JARID2: variants seen among roughly 807,000 people sequenced by gnomAD.
JARID2 encodes the protein protein Jumonji.
Under a neutral mutation model 125.6 loss-of-function variants are expected in JARID2, and 21 were observed. That is an observed-to-expected ratio of 0.17 (90% CI 0.12 to 0.24). JARID2 has a LOEUF of 0.24. Among genes scored for constraint, JARID2 ranks in the 10% least tolerant of loss-of-function variants. JARID2 has a pLI of 1.00. For missense variants in JARID2, 1,303 were observed against 1,639.6 expected, an observed-to-expected ratio of 0.79 and a Z score of 3.55; for synonymous variants, 736 against 661.6, an observed-to-expected ratio of 1.11 and a Z score of -1.73.
chr6:15,400,737 A>AAT, intron 2 of JARID2: 3 of 930,150 alleles, frequency 3.2e-6, no homozygotes, highest in Non-Finnish European at 3.8e-6. Context: ...CTTGCACATA[A>AAT]ATAACCTTCT....
intron 1 of JARID2, among the ~76,000 whole-genome samples, chr6:15,364,228 C>T (rs1763896508): frequency 6.6e-6 from 1 of 152,162 alleles, no homozygotes; most frequent in Non-Finnish European, 1.5e-5. Context: ...AACAGCAGCA[C>T]TAACTCCTTT....
chr6:15,463,193 T>C (rs1768535323), intron 4 of JARID2, among the ~76,000 whole-genome samples: 1 of 152,162 alleles, frequency 6.6e-6, no homozygotes, highest in African/African-American at 2.4e-5. Context: ...CATAAAGTCT[T>C]CCCCTGCTCC....
chr6:15,372,501 A>G (rs1764207897), intron 1 of JARID2, among the ~76,000 whole-genome samples: 1 of 152,024 alleles, frequency 6.6e-6, no homozygotes, highest in South Asian at 2.1e-4. Flanking sequence ...CTGGGACTAC[A>G]GGCGTGCACC....
intron 1 of JARID2, among the ~76,000 whole-genome samples, chr6:15,320,850 C>CTGTGTGTGTG (rs71535033): frequency 6.2e-4 from 84 of 135,124 alleles, no homozygotes; most frequent in Admixed American, 1.3e-3. Context: ...CTCTCTCTCT[C>CTGTGTGTGTG]TCTGTGTGTG....
intron 1 of JARID2, among the ~76,000 whole-genome samples, chr6:15,249,248 T>C (rs745917299): frequency 6.6e-6 from 1 of 152,222 alleles, no homozygotes; most frequent in Non-Finnish European, 1.5e-5. Context: ...TTAGGGGTGC[T>C]TCAGCAGGAT....
intron 2 of JARID2, among the ~76,000 whole-genome samples, chr6:15,383,511 T>C (rs569308436): frequency 6.6e-6 from 1 of 152,286 alleles, no homozygotes; most frequent in South Asian, 2.1e-4. Flanking sequence ...TGTTCTTGCA[T>C]CTCCTGCCTG....
rs1211173383 is a variant in JARID2 at position 15,393,361 on chromosome 6, T to C, written c.182-16863T>C. 3.3e-5 allele frequency among the ~76,000 whole-genome samples: 5 copies of C among 152,362 alleles called. No individual in the cohort carries two copies. In the South Asian group the frequency reaches 6.2e-4, roughly 19 times the overall value. On this transcript the variant is annotated intron_variant, in intron 2 of 17. Transcript: ENST00000341776. ...AAATTATCTTTGTCTACCTTTGTCA[T>C]TTACCTTATGTAGGTTTTCCCTTAG...
At chr6:15,384,184 G>T (rs933755900) in intron 2 of JARID2, among the ~76,000 whole-genome samples, 1 of 151,444 alleles carries the variant, frequency 6.6e-6, no homozygotes, top group Non-Finnish European at 1.5e-5. Context: ...TTGCAGCCTC[G>T]ACTCTCAGGC....
intron 3 of JARID2, among the ~76,000 whole-genome samples, chr6:15,421,959 C>G (rs1176742448): frequency 6.6e-6 from 1 of 152,174 alleles, no homozygotes; most frequent in African/African-American, 2.4e-5. Context: ...ATCTCTTCTG[C>G]CAAGGGATGT....
At chr6:15,275,797 G>A (rs1760481625) in intron 1 of JARID2, among the ~76,000 whole-genome samples, 1 of 151,996 alleles carries the variant, frequency 6.6e-6, no homozygotes, top group Admixed American at 6.6e-5. Flanking sequence ...GGACAGAGTT[G>A]TATTAACCTA....
At position 15,521,709 on chromosome 6, in the gene JARID2, C is replaced by T. The variant is rs1347977194; in HGVS notation, c.*1458C>T. ...ATTGCACTGAGCTTGCCAGTGGTGACTGCCAGGAACGTCCTATGATCCACT... is the reference window on the plus strand; with the variant it reads ...ATTGCACTGAGCTTGCCAGTGGTGATTGCCAGGAACGTCCTATGATCCACT... On this transcript the variant is annotated 3_prime_UTR_variant, in exon 18 of 18. Transcript: ENST00000341776. 1 of 152,212 alleles carries T rather than the reference C, an allele frequency of 6.6e-6. No homozygotes were observed. The highest frequency in any genetic ancestry group is 1.5e-5 in the Non-Finnish European group (1 of 68,046). 9.4% of individuals were successfully genotyped at this position (152,212 alleles called of 1,614,324 possible). A position where few individuals can be genotyped will look rare whatever the true frequency, so the allele number is the denominator to read the frequency against.
intron 1 of JARID2, among the ~76,000 whole-genome samples, chr6:15,270,788 A>G (rs1760265723): frequency 6.6e-6 from 1 of 152,008 alleles, no homozygotes; most frequent in South Asian, 2.1e-4. Context: ...TCTCTACTAA[A>G]AATAGAAAAA....
intron 5 of JARID2, among the ~76,000 whole-genome samples, chr6:15,484,703 T>C (rs987126631): frequency 2.6e-5 from 4 of 152,168 alleles, no homozygotes; most frequent in Non-Finnish European, 4.4e-5. Flanking sequence ...CAGATAATGT[T>C]TTGAAGGGCG....
chr6:15,512,500 C>T, intron 14 of JARID2, 110 bp downstream of exon 14: 1 of 1,006,292 alleles, frequency 9.9e-7, no homozygotes, highest in Non-Finnish European at 1.5e-6. Flanking sequence ...GTCAATAGTT[C>T]CTTTTGGAAT....
intron 7 of JARID2, among the ~76,000 whole-genome samples, chr6:15,498,191 T>C (rs369103490): frequency 6.6e-6 from 1 of 152,312 alleles, no homozygotes; most frequent in African/African-American, 2.4e-5. Context: ...TGAGCTTCAG[T>C]TTCTCTGGCG....
rs556162915 is a variant in JARID2, at chr6:15,364,843, C to T, written c.46-9274C>T. On this transcript the variant is annotated intron_variant, in intron 1 of 17. Transcript: ENST00000341776. ...GCTGTGTTGTCCATTGACAGGTGGT[C>T]GGATTGTGGCCATTGAGTAACTGAA... Among the ~76,000 whole-genome samples, 3 of 152,208 alleles carry T rather than the reference C, an allele frequency of 2.0e-5. No individual in the cohort carries two copies. The East Asian group carries it at 5.8e-4, about 29-fold the overall frequency.
intron 6 of JARID2, among the ~76,000 whole-genome samples, chr6:15,489,649 G>C (rs1211778135): frequency 1.3e-5 from 2 of 152,242 alleles, no homozygotes; most frequent in African/African-American, 4.8e-5. Flanking sequence ...CATGCTCCAT[G>C]GCGTGTTCGT....
intron 4 of JARID2, among the ~76,000 whole-genome samples, chr6:15,461,814 C>T (rs1465790030): frequency 1.3e-5 from 2 of 151,948 alleles, no homozygotes; most frequent in Non-Finnish European, 2.9e-5. Context: ...GGCAAGTAAG[C>T]ATCTCCCAGA....
intron 5 of JARID2, among the ~76,000 whole-genome samples, chr6:15,478,221 G>T (rs1327400663): frequency 6.6e-6 from 1 of 152,130 alleles, no homozygotes; most frequent in East Asian, 1.9e-4. Flanking sequence ...AGAAGCTCCT[G>T]GCTCTGATCC....
Sources: allele counts gnomAD v4.1 joint callset (sites outside exome capture counted in the v4.1 genomes callset), GRCh38; gene constraint gnomAD v4.1.1; transcripts MANE v1.5; gene names NCBI Gene and HGNC (gene_info 2026-07-23, HGNC 2026-07-21).